Variants in TENM3 observed in about 807,000 individuals in gnomAD.
TENM3 encodes the protein teneurin transmembrane protein 3.
Under a neutral mutation model 255.1 loss-of-function variants are expected in TENM3, and 63 were observed. The observed-to-expected ratio is 0.25, with a 90% CI of 0.20 to 0.30. TENM3 has a LOEUF of 0.30. Among genes scored for constraint, TENM3 ranks in the 10% least tolerant of loss-of-function variants. The pLI is 1.00. For missense variants in TENM3, 2,929 were observed against 3,461.1 expected, an observed-to-expected ratio of 0.85 and a Z score of 3.86; for synonymous variants, 1,306 against 1,322.3, an observed-to-expected ratio of 0.99 and a Z score of 0.27.
chr4:182,303,121 T>A (rs1423768100), intron 1 of TENM3, among the ~76,000 whole-genome samples: 1 of 152,174 alleles, frequency 6.6e-6, no homozygotes. Context: ...TTAATTTCAC[T>A]CATGAAACCT....
At chr4:181,562,672 T>G in the TENM3 span, among the ~76,000 whole-genome samples, 1 of 149,740 alleles carries the variant, frequency 6.7e-6, no homozygotes, top group Admixed American at 6.6e-5. Context: ...AAATAGATTC[T>G]TCTTAATTTT....
At chr4:181,664,781 C>T in the TENM3 span, among the ~76,000 whole-genome samples, 1 of 152,168 alleles carries the variant, frequency 6.6e-6, no homozygotes, top group African/African-American at 2.4e-5. Flanking sequence ...ACTCTTTGGG[C>T]TGTGCAAGCT....
At chr4:181,624,357 T>A in the TENM3 span, among the ~76,000 whole-genome samples, 2 of 152,220 alleles carry the variant, frequency 1.3e-5, no homozygotes, top group African/African-American at 4.8e-5. Context: ...CAAATTTCAA[T>A]GGCCGAAGTA....
At chr4:182,600,866 T>TTC (rs1747757220) in intron 3 of TENM3, 58 bp from the exon 4 acceptor site, 2 of 585,948 alleles carry the variant, frequency 3.4e-6, no homozygotes, top group Non-Finnish European at 5.1e-6. Context: ...AGTGTGTATA[T>TTC]ACATATATAT....
rs1471609935 is a variant in TENM3 at position 182,346,930 on chromosome 4, G to C, written c.511+1G>C. 1 of 1,578,890 alleles carries C rather than the reference G, an allele frequency of 6.3e-7. No individual in the cohort carries two copies. Among genetic ancestry groups the C allele is most frequent in the South Asian group, 1.1e-5 (1 of 88,948 alleles). ...GAAAACAAGTCCGACAGTGAGAATGGTAAGTTTCCTTTTTGGCTTTATAAT... is the reference window on the plus strand; with the variant it reads ...GAAAACAAGTCCGACAGTGAGAATGCTAAGTTTCCTTTTTGGCTTTATAAT... On this transcript the variant is annotated splice_donor_variant, in intron 3 of 27. Transcript: ENST00000511685. LOFTEE classifies it high-confidence loss of function.
At chr4:181,556,549 T>G in the TENM3 span, among the ~76,000 whole-genome samples, 1 of 152,314 alleles carries the variant, frequency 6.6e-6, no homozygotes, top group Non-Finnish European at 1.5e-5. Flanking sequence ...TAAAAAATTA[T>G]ATACTCTGGA....
At chr4:182,271,521 G>A (rs1759624701) in intron 1 of TENM3, among the ~76,000 whole-genome samples, 2 of 152,170 alleles carry the variant, frequency 1.3e-5, no homozygotes, top group Non-Finnish European at 2.9e-5. Context: ...AAGGGGACAT[G>A]TCCTTGAAAA....
chr4:181,831,913 C>A, the TENM3 span, among the ~76,000 whole-genome samples: 1 of 151,280 alleles, frequency 6.6e-6, no homozygotes, highest in East Asian at 1.9e-4. Context: ...TCTGTGTCAA[C>A]CCTGCATGAA....
At chr4:182,170,832 A>C (rs187425732) in intron 1 of TENM3, among the ~76,000 whole-genome samples, 2 of 152,320 alleles carry the variant, frequency 1.3e-5, no homozygotes, top group East Asian at 1.9e-4. Flanking sequence ...AATTTCAGTG[A>C]TGATGTACAT....
chr4:181,550,909 A>C, the TENM3 span, among the ~76,000 whole-genome samples: 3 of 151,258 alleles, frequency 2.0e-5, no homozygotes, highest in African/African-American at 4.8e-5. Context: ...TTAATAATTT[A>C]TATGTTTTGT....
At chr4:182,113,763 G>T in the TENM3 span, among the ~76,000 whole-genome samples, 3 of 152,128 alleles carry the variant, frequency 2.0e-5, no homozygotes, top group Non-Finnish European at 4.4e-5. Flanking sequence ...GAGGAAGAGA[G>T]AATTAATTAA....
the TENM3 span, among the ~76,000 whole-genome samples, chr4:182,131,522 T>C: frequency 5.3e-5 from 8 of 152,230 alleles, no homozygotes; most frequent in African/African-American, 1.7e-4. Context: ...ATCATATCCA[T>C]AAAGAGGCAA....
At position 182,740,998 on chromosome 4, in the gene TENM3, G is replaced by A. The variant is rs112751684; in HGVS notation, c.3380-2172G>A. 6.6e-3 allele frequency among the ~76,000 whole-genome samples: 1,008 copies of A among 152,078 alleles called. 7 individuals are homozygous for A. The highest frequency in any genetic ancestry group is 0.023 in the African/African-American group (958 of 41,488). On this transcript the variant is annotated intron_variant, in intron 18 of 27. Transcript: ENST00000511685. The stretch of plus-strand genomic sequence containing the variant: ...TCCAGACCAGCCTGGCAACATGGTG[G>A]AACCCCGTGTCTACTAAAAATACAA...
intron 13 of TENM3, among the ~76,000 whole-genome samples, chr4:182,719,258 T>C (rs993423694): frequency 1.6e-5 from 2 of 123,886 alleles, no homozygotes; most frequent in East Asian, 2.4e-4. Context: ...TTTTCTTTTT[T>C]TTTTTTTTTT....
chr4:181,811,510 A>T, the TENM3 span, among the ~76,000 whole-genome samples: 3 of 152,248 alleles, frequency 2.0e-5, no homozygotes, highest in African/African-American at 7.2e-5. Context: ...TAGGTGTATT[A>T]GTCTATTCTC....
At chr4:182,787,112 C>T (rs1579510796) in intron 24 of TENM3, among the ~76,000 whole-genome samples, 1 of 152,140 alleles carries the variant, frequency 6.6e-6, no homozygotes, top group Middle Eastern at 3.4e-3. Flanking sequence ...AAGCTCAACT[C>T]ATAAAGTTTC....
chr4:182,010,350 A>G, the TENM3 span, among the ~76,000 whole-genome samples: 2 of 152,190 alleles, frequency 1.3e-5, no homozygotes, highest in Admixed American at 1.3e-4. Flanking sequence ...ACATGAAAAC[A>G]TATTAAAAAC....
chr4:182,550,654 A>G (rs1017152618), intron 3 of TENM3, among the ~76,000 whole-genome samples: 1 of 152,152 alleles, frequency 6.6e-6, no homozygotes, highest in Non-Finnish European at 1.5e-5. Context: ...TGCTTCTAAC[A>G]CCAGGGATTT....
chr4:182,352,239 T>G (rs1765237025), intron 3 of TENM3, among the ~76,000 whole-genome samples: 1 of 152,146 alleles, frequency 6.6e-6, no homozygotes, highest in Admixed American at 6.5e-5. Flanking sequence ...TCACCATTTA[T>G]TGACTCTCTT....
Sources: gnomAD v4.1 joint callset for allele counts (sites outside exome capture counted in the v4.1 genomes callset) on GRCh38, gnomAD v4.1.1 for gene constraint, MANE v1.5 for transcripts, NCBI Gene and HGNC (gene_info 2026-07-23, HGNC 2026-07-21) for gene names.